The following EHBP1 variants were observed in gnomAD, a reference collection of about 807,000 sequenced individuals.
EHBP1 encodes EH domain binding protein 1.
Under a neutral mutation model 144.0 loss-of-function variants are expected in EHBP1, and 55 were observed. That is an observed-to-expected ratio of 0.38 (90% CI 0.31 to 0.48). The LOEUF is 0.48. Among genes scored for constraint, EHBP1 ranks in the 20% least tolerant of loss-of-function variants. EHBP1 has a pLI of 0.98. For synonymous variants in EHBP1, 469 were observed against 472.7 expected (o/e 0.99, Z 0.10); for missense variants, 1,200 against 1,364.2 (o/e 0.88, Z 1.90).
intron 1 of EHBP1, among the ~76,000 whole-genome samples, chr2:62,694,286 TA>T (rs1488021605): frequency 1.3e-5 from 2 of 152,198 alleles, no homozygotes; most frequent in African/African-American, 4.8e-5. Flanking sequence ...TAATGCTTTT[TA>T]AATTGATCTA....
At chr2:62,964,527 T>TA (rs1286614778) in intron 14 of EHBP1, among the ~76,000 whole-genome samples, 3 of 152,220 alleles carry the variant, frequency 2.0e-5, no homozygotes, top group Non-Finnish European at 4.4e-5. Flanking sequence ...CCCAAGGATA[T>TA]ATGCCTTGAA....
chr2:62,693,535 G>A (rs1432535197), intron 1 of EHBP1, among the ~76,000 whole-genome samples: 2 of 152,128 alleles, frequency 1.3e-5, no homozygotes, highest in African/African-American at 2.4e-5. Flanking sequence ...ATACATGTGT[G>A]TTTTTGACAA....
intron 5 of EHBP1, among the ~76,000 whole-genome samples, chr2:62,805,035 C>G (rs574252432): frequency 6.6e-6 from 1 of 152,134 alleles, no homozygotes; most frequent in Non-Finnish European, 1.5e-5. Flanking sequence ...GACAGCTGTT[C>G]TAGAGGACAA....
intron 18 of EHBP1, among the ~76,000 whole-genome samples, chr2:62,994,530 G>A (rs1025926689): frequency 5.3e-5 from 8 of 152,096 alleles, no homozygotes; most frequent in African/African-American, 1.9e-4. Flanking sequence ...ATTTGTGAGG[G>A]AAATATTTGA....
At chr2:63,041,248 TAGC>T (rs2061648634) in intron 21 of EHBP1, among the ~76,000 whole-genome samples, 1 of 152,228 alleles carries the variant, frequency 6.6e-6, no homozygotes, top group Non-Finnish European at 1.5e-5. Flanking sequence ...GTGTTTTTCA[TAGC>T]AGGAGTTTCA....
intron 2 of EHBP1, among the ~76,000 whole-genome samples, chr2:62,741,839 ACAAC>A (rs1385191185): frequency 1.3e-5 from 2 of 152,198 alleles, no homozygotes; most frequent in African/African-American, 4.8e-5. Flanking sequence ...ATACAGCATA[ACAAC>A]TATATAGTAT....
chr2:62,834,077 G>A (rs1482209602), intron 7 of EHBP1, among the ~76,000 whole-genome samples: 5 of 152,168 alleles, frequency 3.3e-5, no homozygotes, highest in Non-Finnish European at 4.4e-5. Flanking sequence ...TGCTGCAATC[G>A]CATGATAAAA....
At chr2:62,770,487 A>G (rs557471699) in intron 4 of EHBP1, among the ~76,000 whole-genome samples, 3 of 152,252 alleles carry the variant, frequency 2.0e-5, no homozygotes, top group Non-Finnish European at 2.9e-5. Context: ...CAGAGTGGCT[A>G]TTATTAAAAA....
At chr2:62,754,063 G>A (rs1377505976) in intron 3 of EHBP1, among the ~76,000 whole-genome samples, 1 of 152,158 alleles carries the variant, frequency 6.6e-6, no homozygotes, top group East Asian at 1.9e-4. Context: ...GAGGGGGAGA[G>A]GTGCTCTGAT....
At chr2:62,679,431 A>C (rs1000879631) in intron 1 of EHBP1, among the ~76,000 whole-genome samples, 2 of 152,150 alleles carry the variant, frequency 1.3e-5, no homozygotes, top group Non-Finnish European at 2.9e-5. Context: ...GATTAATTTT[A>C]GCACTTTTTT....
intron 13 of EHBP1, among the ~76,000 whole-genome samples, chr2:62,953,157 C>T (rs1236871512): frequency 2.4e-5 from 3 of 124,104 alleles, no homozygotes; most frequent in African/African-American, 6.2e-5. Context: ...GCGGAGGTTG[C>T]GGTGAGCCGA....
chr2:62,958,248 C>T (rs892460534), intron 14 of EHBP1, among the ~76,000 whole-genome samples: 3 of 152,096 alleles, frequency 2.0e-5, no homozygotes, highest in African/African-American at 7.2e-5. Context: ...CATGGTTATT[C>T]GAAGACTTTT....
intron 5 of EHBP1, among the ~76,000 whole-genome samples, chr2:62,774,848 C>T (rs2041945592): frequency 1.3e-5 from 2 of 151,594 alleles, no homozygotes; most frequent in Admixed American, 1.3e-4. Context: ...CTGTCTCAAA[C>T]AAAACAAAAC....
intron 14 of EHBP1, among the ~76,000 whole-genome samples, chr2:62,971,304 A>G (rs186393106): frequency 6.6e-6 from 1 of 152,364 alleles, no homozygotes; most frequent in East Asian, 1.9e-4. Context: ...AAGCTTAAAT[A>G]CATTTATCAC....
intron 7 of EHBP1, among the ~76,000 whole-genome samples, chr2:62,832,161 T>A (rs2046862021): frequency 6.6e-6 from 1 of 152,194 alleles, no homozygotes; most frequent in Admixed American, 6.5e-5. Flanking sequence ...TTTTGGAGAG[T>A]GTGTTTTACC....
In EHBP1 at chr2:62,925,607, C is replaced by A. The variant is rs891917368; in HGVS notation, c.1186-17111C>A. On this transcript the variant is annotated intron_variant, in intron 10 of 22. Coordinates refer to ENST00000431489, the MANE Select transcript of EHBP1 (RefSeq NM_001142616.3). ...GGATACAAAATTTGTATATTAAAAT[C>A]AGTAGTAGTTTATACATGAACAATA... 7.2e-5 allele frequency among the ~76,000 whole-genome samples: 11 copies of A among 152,132 alleles called. No individual in the cohort carries two copies. The South Asian group carries it at 2.3e-3, about 32-fold the overall frequency.
At chr2:62,727,844 C>T (rs1277198170) in intron 2 of EHBP1, among the ~76,000 whole-genome samples, 1 of 152,156 alleles carries the variant, frequency 6.6e-6, no homozygotes, top group Non-Finnish European at 1.5e-5. Context: ...ATATCCCAGA[C>T]AAGGCTGTTA....
chr2:62,801,981 G>C (rs2044025293), intron 5 of EHBP1, among the ~76,000 whole-genome samples: 1 of 152,206 alleles, frequency 6.6e-6, no homozygotes, highest in South Asian at 2.1e-4. Context: ...TATCCCAGGT[G>C]CTGCTGATGC....
At chr2:62,697,782 C>T (rs2034151916) in intron 1 of EHBP1, among the ~76,000 whole-genome samples, 1 of 152,194 alleles carries the variant, frequency 6.6e-6, no homozygotes, top group Non-Finnish European at 1.5e-5. Flanking sequence ...ACTCTTGAAC[C>T]TGTTGCCTTA....
Sources: gnomAD v4.1 joint callset for allele counts (sites outside exome capture counted in the v4.1 genomes callset) on GRCh38, gnomAD v4.1.1 for gene constraint, MANE v1.5 for transcripts, NCBI Gene and HGNC (gene_info 2026-07-23, HGNC 2026-07-21) for gene names.